CCDC7: variants seen among roughly 807,000 people sequenced by gnomAD.
The protein encoded by CCDC7 is coiled-coil domain-containing protein 7.
CCDC7 carries 183 observed loss-of-function variants against 196.9 expected under a neutral mutation model. The observed-to-expected ratio is 0.93, with a 90% CI of 0.82 to 1.05. CCDC7 has a LOEUF of 1.05. CCDC7 is among the 50% of genes least tolerant of loss of function. The pLI is 0.00. For missense variants in CCDC7, 1,540 were observed against 1,482.2 expected (o/e 1.04, Z -0.64); for synonymous variants, 525 against 484.6 (o/e 1.08, Z -1.10).
At chr10:32,610,254 G>A (rs2460707) in intron 18 of CCDC7, among the ~76,000 whole-genome samples, 52,158 of 151,490 alleles carry the variant, frequency 0.34, 11,372 homozygotes, top group Non-Finnish European at 0.49. Context: ...ACAGGCGCCC[G>A]CCACCACACC....
chr10:32,868,701 A>G (rs1434921642), intron 41 of CCDC7, among the ~76,000 whole-genome samples: 13 of 149,260 alleles, frequency 8.7e-5, no homozygotes, highest in Non-Finnish European at 4.5e-5. Flanking sequence ...TATATCTCCT[A>G]ATGCTATCCA....
At chr10:32,801,931 G>C (rs1832155) in intron 29 of CCDC7, among the ~76,000 whole-genome samples, 21,864 of 152,082 alleles carry the variant, frequency 0.14, 1,919 homozygotes, top group African/African-American at 0.25. Flanking sequence ...GCCTCATCAG[G>C]GTCCTCCCAC....
chr10:32,506,464 G>C (rs1332820611), intron 9 of CCDC7, among the ~76,000 whole-genome samples: 3 of 152,234 alleles, frequency 2.0e-5, no homozygotes, highest in African/African-American at 7.2e-5. Flanking sequence ...CAGGCGGGCA[G>C]AAGCTGTAAT....
At chr10:32,778,026 C>T (rs1318886747) in intron 28 of CCDC7, among the ~76,000 whole-genome samples, 1 of 152,160 alleles carries the variant, frequency 6.6e-6, no homozygotes, top group Non-Finnish European at 1.5e-5. Context: ...CTTTGCCCCA[C>T]TTTATAATGG....
intron 15 of CCDC7, 76 bp from the exon 17 acceptor site, chr10:32,571,780 AATG>A: frequency 7.7e-7 from 1 of 1,299,050 alleles, no homozygotes; most frequent in South Asian, 2.1e-5. Context: ...AACTACCTTA[AATG>A]ATATTTTTCT....
At chr10:32,527,802 T>C (rs984235383) in intron 11 of CCDC7, among the ~76,000 whole-genome samples, 2 of 152,152 alleles carry the variant, frequency 1.3e-5, no homozygotes, top group Non-Finnish European at 2.9e-5. Context: ...ATTGGTGAAA[T>C]AGGATGGTGG....
At chr10:32,728,307 T>A (rs914793868) in intron 26 of CCDC7, among the ~76,000 whole-genome samples, 4 of 152,172 alleles carry the variant, frequency 2.6e-5, no homozygotes, top group Non-Finnish European at 5.9e-5. Flanking sequence ...TGAGTCTCAA[T>A]ACTTTGCTGG....
chr10:32,789,096 C>CT (rs35122018), intron 29 of CCDC7, among the ~76,000 whole-genome samples: 46,240 of 124,718 alleles, frequency 0.37, 9,737 homozygotes, highest in Non-Finnish European at 0.5. Flanking sequence ...CGGTAAAGGG[C>CT]TTTTTTTTTT....
At chr10:32,821,218 C>T (rs976344317) in intron 31 of CCDC7, among the ~76,000 whole-genome samples, 1 of 152,170 alleles carries the variant, frequency 6.6e-6, no homozygotes, top group South Asian at 2.1e-4. Flanking sequence ...AAAATGCTCA[C>T]CATCACTGGC....
intron 25 of CCDC7, among the ~76,000 whole-genome samples, chr10:32,722,199 A>G (rs2082513447): frequency 2.6e-5 from 4 of 152,136 alleles, no homozygotes; most frequent in Admixed American, 2.0e-4. Context: ...ATCCCACCAA[A>G]TGGCTCTAAC....
intron 30 of CCDC7, among the ~76,000 whole-genome samples, chr10:32,807,579 A>C (rs2086105358): frequency 1.3e-5 from 2 of 152,090 alleles, no homozygotes; most frequent in Non-Finnish European, 2.9e-5. Context: ...AGGAAAGGGA[A>C]AGGAGGCAGC....
intron 28 of CCDC7, among the ~76,000 whole-genome samples, chr10:32,738,473 CTTTTTT>C (rs33944221): frequency 7.3e-5 from 8 of 109,680 alleles, no homozygotes; most frequent in African/African-American, 1.1e-4. Flanking sequence ...GTTTCTTTCA[CTTTTTT>C]TTTTTTTTTT....
intron 24 of CCDC7, among the ~76,000 whole-genome samples, chr10:32,706,912 T>C (rs2079870952): frequency 1.3e-5 from 2 of 152,214 alleles, no homozygotes; most frequent in South Asian, 4.1e-4. Context: ...CTGATACCAT[T>C]CCTTGTGAAA....
rs560145470 is a variant in CCDC7, at chr10:32,498,512, G to T, written c.872+6515G>T. ...TACAATTTGGTATGTTTTTGCAGTG[G>T]CTGGTACCGGTTATTCCTTTCCATG... On this transcript the variant is annotated intron_variant, in intron 9 of 41. Coordinates refer to ENST00000639629, the Ensembl canonical transcript of CCDC7. Among the ~76,000 whole-genome samples the T allele has an allele frequency of 2.5e-3, 387 of 152,264 alleles. 3 individuals are homozygous for T. Among genetic ancestry groups the T allele is most frequent in the Admixed American group, 3.5e-3 (53 of 15,294 alleles).
intron 28 of CCDC7, among the ~76,000 whole-genome samples, chr10:32,730,730 A>G (rs1398792181): frequency 1.4e-5 from 2 of 146,994 alleles, no homozygotes; most frequent in Non-Finnish European, 3.0e-5. Context: ...AGGTTCCACC[A>G]TAGATACAGT....
At chr10:32,606,369 C>T (rs2061556834) in intron 18 of CCDC7, among the ~76,000 whole-genome samples, 1 of 152,218 alleles carries the variant, frequency 6.6e-6, no homozygotes, top group Admixed American at 6.5e-5. Flanking sequence ...AGGCCCCACA[C>T]AGAGTCCCCA....
rs146056355 is a variant in CCDC7 at position 32,798,654 on chromosome 10, A to T, written c.3014-6361A>T. 2.0e-5 allele frequency among the ~76,000 whole-genome samples: 3 copies of T among 152,322 alleles called. No homozygotes were observed. In the East Asian group the frequency reaches 5.8e-4, roughly 29 times the overall value. ...TCCAAGACCCTGACCATCCAGGCAAACTATTGGCTACAGCCCATGAATCAG... is the reference window on the plus strand; with the variant it reads ...TCCAAGACCCTGACCATCCAGGCAATCTATTGGCTACAGCCCATGAATCAG... On this transcript the variant is annotated intron_variant, in intron 29 of 41. Transcript: ENST00000639629.
chr10:32,663,490 A>G (rs2071961224), intron 20 of CCDC7, among the ~76,000 whole-genome samples: 1 of 152,140 alleles, frequency 6.6e-6, no homozygotes, highest in Non-Finnish European at 1.5e-5. Flanking sequence ...AATGGATAGC[A>G]TACTTGATAT....
chr10:32,817,656 A>G (rs1238958288), intron 31 of CCDC7, among the ~76,000 whole-genome samples: 5 of 152,268 alleles, frequency 3.3e-5, no homozygotes, highest in African/African-American at 7.2e-5. Flanking sequence ...AAACTCTACA[A>G]GCCAGAAGAG....
Sources: gnomAD v4.1 joint callset for allele counts (sites outside exome capture counted in the v4.1 genomes callset) on GRCh38, gnomAD v4.1.1 for gene constraint, MANE v1.5 for transcripts, NCBI Gene and HGNC (gene_info 2026-07-23, HGNC 2026-07-21) for gene names.